Variants in TBC1D2B observed in about 807,000 individuals in gnomAD.
The protein encoded by TBC1D2B is TBC1 domain family member 2B.
TBC1D2B carries 64 observed loss-of-function variants against 100.8 expected under a neutral mutation model. The ratio of observed to expected loss-of-function variants is 0.64; its 90% CI spans 0.52 to 0.78. TBC1D2B has a LOEUF of 0.78. Ranked by LOEUF, TBC1D2B falls within the 30% of genes least tolerant of loss-of-function variation. TBC1D2B has a pLI of 0.00. For missense variants in TBC1D2B, 1,052 were observed against 1,218.4 expected (o/e 0.86, Z 2.03); for synonymous variants, 480 against 479.7 (o/e 1.00, Z -0.01).
At chr15:78,042,158 C>T (rs1331637219) in intron 3 of TBC1D2B, among the ~76,000 whole-genome samples, 3 of 152,164 alleles carry the variant, frequency 2.0e-5, no homozygotes, top group Non-Finnish European at 2.9e-5. Flanking sequence ...AAGTGACAGG[C>T]GTTCACTTTC....
chr15:78,031,768 T>C (rs1245543912), intron 3 of TBC1D2B, among the ~76,000 whole-genome samples: 2 of 151,984 alleles, frequency 1.3e-5, no homozygotes, highest in Non-Finnish European at 2.9e-5. Context: ...AAGGACTAGA[T>C]TTACCCTCCC....
Position 78,052,894 on chromosome 15 carries a change from A to G in TBC1D2B, c.514+1140T>C, listed in dbSNP as rs79925088. ...GACTCTGAACGAAACATAAGGGCGC[A>G]TAAAGTTGAAAATAAAGGCATGATC... On this transcript the variant is annotated intron_variant, in intron 2 of 12. Coordinates refer to ENST00000300584, the MANE Select transcript of TBC1D2B (RefSeq NM_144572.2). 9.1e-3 allele frequency among the ~76,000 whole-genome samples: 1,386 copies of G among 152,354 alleles called. 6 individuals carry two copies. The highest frequency in any genetic ancestry group is 0.016 in the Non-Finnish European group (1,064 of 68,030).
chr15:78,016,452 A>T, intron 8 of TBC1D2B, 94 bp downstream of exon 8: 2 of 1,172,730 alleles, frequency 1.7e-6, no homozygotes, highest in Non-Finnish European at 2.4e-6. Flanking sequence ...TGAGACACAC[A>T]GTTGTGTACG....
chr15:78,057,794 G>A (rs1374476958), intron 1 of TBC1D2B, among the ~76,000 whole-genome samples: 1 of 152,220 alleles, frequency 6.6e-6, no homozygotes, highest in Non-Finnish European at 1.5e-5. Flanking sequence ...GAAGACAGCT[G>A]AAACCCAAAG....
At chr15:78,069,761 A>C (rs141788249) in intron 1 of TBC1D2B, among the ~76,000 whole-genome samples, 49 of 152,322 alleles carry the variant, frequency 3.2e-4, no homozygotes, top group African/African-American at 1.1e-3. Flanking sequence ...CATATATACA[A>C]ACATACATAG....
intron 2 of TBC1D2B, 180 bp downstream of exon 2, chr15:78,053,854 C>G: frequency 1.5e-6 from 1 of 665,516 alleles, no homozygotes; most frequent in Non-Finnish European, 2.4e-6. Context: ...AAGGCTGTCA[C>G]TGGGCTTGCA....
chr15:78,072,676 C>T (rs1220402095), intron 1 of TBC1D2B, among the ~76,000 whole-genome samples: 2 of 152,206 alleles, frequency 1.3e-5, no homozygotes, highest in Admixed American at 1.3e-4. Context: ...GGGAGGAATT[C>T]ATTTGCTGAC....
intron 3 of TBC1D2B, among the ~76,000 whole-genome samples, chr15:78,040,696 G>GGGGA (rs1421638094): frequency 1.4e-5 from 2 of 138,008 alleles, no homozygotes; most frequent in East Asian, 2.1e-4. Flanking sequence ...AAAGAAAGGG[G>GGGGA]GGGAGGGAGG....
chr15:78,035,099 G>A (rs766656053), intron 3 of TBC1D2B, among the ~76,000 whole-genome samples: 12 of 152,150 alleles, frequency 7.9e-5, no homozygotes, highest in Admixed American at 3.3e-4. Context: ...CCCAGGCAGC[G>A]TGCCAGGTGC....
At chr15:78,043,436 G>A (rs2073129806) in intron 3 of TBC1D2B, among the ~76,000 whole-genome samples, 1 of 151,968 alleles carries the variant, frequency 6.6e-6, no homozygotes, top group South Asian at 2.1e-4. Context: ...GTTTCACCAC[G>A]TTGCCCAGGC....
At chr15:78,041,061 C>T (rs1430844761) in intron 3 of TBC1D2B, among the ~76,000 whole-genome samples, 2 of 152,072 alleles carry the variant, frequency 1.3e-5, no homozygotes, top group Non-Finnish European at 2.9e-5. Context: ...GGAACAAGGC[C>T]TAACAGTTGT....
At chr15:78,064,440 A>T (rs1292285485) in intron 1 of TBC1D2B, among the ~76,000 whole-genome samples, 4 of 152,222 alleles carry the variant, frequency 2.6e-5, no homozygotes, top group Non-Finnish European at 5.9e-5. Flanking sequence ...CTAGAAAGCA[A>T]TTTAAATTAC....
chr15:78,077,308 G>A lies in TBC1D2B; in HGVS notation c.345C>T (p.Ala115=), dbSNP rs932690270. The A allele has an allele frequency of 1.8e-5, 27 of 1,522,956 alleles. No homozygotes were observed. Among genetic ancestry groups the A allele is most frequent in the Non-Finnish European group, 2.4e-5 (27 of 1,136,890 alleles). 94.3% of individuals were successfully genotyped at this position (1,522,956 alleles called of 1,614,324 possible). The change falls in exon 1 of 13, where the codon GCC becomes GCT. Residue 115 remains alanine, a synonymous_variant. Coordinates refer to ENST00000300584, the MANE Select transcript of TBC1D2B (RefSeq NM_144572.2). ...GCGGTCCCACCTTGAGCACCGTGAC[G>A]GCTCCCGCGCTGTGCACCTGGAAGT... ...PAHFQVHSAG[A]VTVLKAPNRQ... is the part of the protein sequence containing the mutation.
chr15:78,068,999 T>C (rs1256195766), intron 1 of TBC1D2B, among the ~76,000 whole-genome samples: 3 of 256 alleles, frequency 0.012, no homozygotes, highest in African/African-American at 0.056. Flanking sequence ...ACTTCTACAA[T>C]GGTGGGGGTC....
At chr15:78,003,691 C>T (rs1478162210) in intron 10 of TBC1D2B, 11 of 519,102 alleles carry the variant, frequency 2.1e-5, no homozygotes, top group Non-Finnish European at 3.5e-5. Context: ...AGGTACACAC[C>T]GAGTGTCCGC....
At chr15:78,071,513 G>C (rs1343589649) in intron 1 of TBC1D2B, among the ~76,000 whole-genome samples, 1 of 152,114 alleles carries the variant, frequency 6.6e-6, no homozygotes, top group African/African-American at 2.4e-5. Context: ...CCTGACCATG[G>C]GCATGAAATA....
chr15:78,009,014 T>C lies in TBC1D2B; in HGVS notation c.2371A>G (p.Thr791Ala). ...AGAACTACCTGGGATCCTAAAAGAGTCTTTGTATAATAGTCTCGAGGCATG... is the reference window on the plus strand; with the variant it reads ...AGAACTACCTGGGATCCTAAAAGAGCCTTTGTATAATAGTCTCGAGGCATG... ...VFMPRDYYTK[T>A]LLGSQVDQRV... is the part of the protein sequence containing the mutation. Residue 791 changes from threonine to alanine, a missense_variant, in exon 10 of 13, where the codon ACT becomes GCT. Around this residue, in one of 4 missense-constraint regions of TBC1D2B, gnomAD observed 373 missense variants for 464.9 expected, o/e 0.80. Transcript: ENST00000300584. The C allele has an allele frequency of 6.3e-7, 1 of 1,595,464 alleles. No individual in the cohort carries two copies. The highest frequency in any genetic ancestry group is 8.5e-7 in the Non-Finnish European group (1 of 1,170,204).
At chr15:78,040,478 G>A (rs1371752181) in intron 3 of TBC1D2B, among the ~76,000 whole-genome samples, 4 of 151,720 alleles carry the variant, frequency 2.6e-5, no homozygotes, top group Non-Finnish European at 4.4e-5. Flanking sequence ...GAGCCCAGAA[G>A]TTCAAGGGTT....
intron 1 of TBC1D2B, among the ~76,000 whole-genome samples, chr15:78,072,737 A>C (rs2073760058): frequency 6.6e-6 from 1 of 152,320 alleles, no homozygotes; most frequent in South Asian, 2.1e-4. Flanking sequence ...TGGAAGATCA[A>C]GGCTGTTTAA....
Sources: gnomAD v4.1 joint callset for allele counts (sites outside exome capture counted in the v4.1 genomes callset) on GRCh38, gnomAD v4.1.1 for gene constraint, gnomAD v4.1.1 regional missense constraint, MANE v1.5 for transcripts, NCBI Gene and HGNC (gene_info 2026-07-23, HGNC 2026-07-21) for gene names.